Variants in CSMD1 observed in about 807,000 individuals in gnomAD.
CSMD1 encodes CUB and sushi domain-containing protein 1.
In CSMD1, 213 loss-of-function variants were observed where a neutral mutation model predicts 417.5. The observed-to-expected ratio is 0.51, with a 90% CI of 0.46 to 0.57. CSMD1 has a LOEUF of 0.57. Among genes scored for constraint, CSMD1 ranks in the 20% least tolerant of loss-of-function variants. CSMD1 has a pLI of 0.00. For synonymous variants in CSMD1, 2,862 were observed against 1,736.8 expected (o/e 1.65, Z -16.11); for missense variants, 6,923 against 4,529.7 (o/e 1.53, Z -15.17).
chr8:4,449,709 G>A (rs1799018747), intron 2 of CSMD1, among the ~76,000 whole-genome samples: 1 of 152,122 alleles, frequency 6.6e-6, no homozygotes. Flanking sequence ...AGGGAGTATG[G>A]GGAAGAAATG....
chr8:4,511,314 C>T (rs184805931), intron 2 of CSMD1, among the ~76,000 whole-genome samples: 574 of 152,236 alleles, frequency 3.8e-3, no homozygotes, highest in Non-Finnish European at 6.2e-3. Flanking sequence ...CATCAACTGC[C>T]CTCATAGACA....
At chr8:3,979,102 T>C (rs769510646) in intron 5 of CSMD1, among the ~76,000 whole-genome samples, 1 of 152,230 alleles carries the variant, frequency 6.6e-6, no homozygotes, top group Non-Finnish European at 1.5e-5. Flanking sequence ...AGCCAGTGCA[T>C]TTAGAGAGCT....
At position 3,655,591 on chromosome 8, in the gene CSMD1, G is replaced by A. The variant is rs112504196; in HGVS notation, c.1010-38794C>T. Among the ~76,000 whole-genome samples the A allele has an allele frequency of 1.2e-4, 18 of 151,458 alleles. 1 individual carries two copies. Among genetic ancestry groups the A allele is most frequent in the Middle Eastern group, 3.4e-3 (1 of 292 alleles). On this transcript the variant is annotated intron_variant, in intron 7 of 69. Coordinates refer to ENST00000635120, the MANE Select transcript of CSMD1 (RefSeq NM_033225.6). ...AGAGAACCCCCACTGATGAATGCCCGTCCCACCAGGCCCCTCAGGCAGGGC... is the reference window on the plus strand; with the variant it reads ...AGAGAACCCCCACTGATGAATGCCCATCCCACCAGGCCCCTCAGGCAGGGC...
chr8:4,270,048 G>A (rs1333536934), intron 3 of CSMD1, among the ~76,000 whole-genome samples: 2 of 152,124 alleles, frequency 1.3e-5, no homozygotes, highest in Middle Eastern at 3.2e-3. Context: ...TATGATTAAT[G>A]ATGAAATATT....
intron 3 of CSMD1, among the ~76,000 whole-genome samples, chr8:4,207,813 G>C (rs1027464335): frequency 6.6e-6 from 1 of 152,122 alleles, no homozygotes; most frequent in South Asian, 2.1e-4. Flanking sequence ...CAATAATTAT[G>C]TTGAAACAGA....
intron 3 of CSMD1, among the ~76,000 whole-genome samples, chr8:4,163,826 C>T (rs905259195): frequency 1.3e-5 from 2 of 152,122 alleles, no homozygotes; most frequent in African/African-American, 2.4e-5. Context: ...ACCTATACCC[C>T]TTCATCATTA....
At chr8:4,873,168 A>G (rs1453047792) in intron 1 of CSMD1, among the ~76,000 whole-genome samples, 3 of 152,150 alleles carry the variant, frequency 2.0e-5, no homozygotes, top group Admixed American at 6.5e-5. Flanking sequence ...GATTCATTTC[A>G]AAATGATAGG....
chr8:3,699,840 G>T (rs1328814324), intron 7 of CSMD1, among the ~76,000 whole-genome samples: 1 of 151,204 alleles, frequency 6.6e-6, no homozygotes, highest in Admixed American at 6.6e-5. Flanking sequence ...CTTCCCACAC[G>T]ACACACCATC....
Position 3,034,387 on chromosome 8 carries a change from T to C in CSMD1, c.7661-4874A>G, listed in dbSNP as rs1430476544. ...GGCCTGATAGGCACAGACATCATTT[T>C]ACAGTTAGGCTGAAAAACTGAAAGC... On this transcript the variant is annotated intron_variant, in intron 50 of 69. Coordinates refer to ENST00000635120, the MANE Select transcript of CSMD1 (RefSeq NM_033225.6). 3.3e-5 allele frequency among the ~76,000 whole-genome samples: 5 copies of C among 152,214 alleles called. No individual in the cohort carries two copies. The East Asian group carries it at 9.6e-4, about 29-fold the overall frequency.
intron 5 of CSMD1, among the ~76,000 whole-genome samples, chr8:3,782,800 G>A (rs908034903): frequency 6.6e-6 from 1 of 152,148 alleles, no homozygotes; most frequent in South Asian, 2.1e-4. Context: ...GATAACAAAT[G>A]ATTTTATAAG....
chr8:4,273,553 A>G lies in CSMD1; in HGVS notation c.415+146400T>C, dbSNP rs11993934. Among the ~76,000 whole-genome samples, 902 of 152,320 alleles carry G rather than the reference A, an allele frequency of 5.9e-3. 9 individuals are homozygous for G. The highest frequency in any genetic ancestry group is 0.02 in the African/African-American group (824 of 41,580). On this transcript the variant is annotated intron_variant, in intron 3 of 69. Coordinates refer to ENST00000635120, the MANE Select transcript of CSMD1 (RefSeq NM_033225.6). ...TATTAACTTCAATTTTCAGTTAAGC[A>G]ATGAATATATTTTAATATAAATATT... is the stretch of plus-strand genomic sequence containing the variant.
At chr8:4,519,907 T>C (rs997662995) in intron 2 of CSMD1, among the ~76,000 whole-genome samples, 5 of 148,464 alleles carry the variant, frequency 3.4e-5, no homozygotes, top group African/African-American at 1.2e-4. Flanking sequence ...TAATGTATTC[T>C]CTTACATTAT....
In CSMD1 at chr8:3,308,198, C is replaced by T. The variant is rs557574219; in HGVS notation, c.3823+114G>A. 391 of 805,706 alleles carry T rather than the reference C, an allele frequency of 4.9e-4. 10 individuals carry two copies. In the South Asian group the frequency reaches 6.8e-3, roughly 14 times the overall value. 49.9% of individuals were successfully genotyped at this position (805,706 alleles called of 1,614,324 possible). A position where few individuals can be genotyped will look rare whatever the true frequency, so the allele number is the denominator to read the frequency against. On this transcript the variant is annotated intron_variant, in intron 24 of 69. Coordinates refer to ENST00000635120, the MANE Select transcript of CSMD1 (RefSeq NM_033225.6). Reference sequence around the variant, plus strand: ...AATCTCAGAATACATAAAACTCACACTGGAAAGTGTGATAAAATTCCTCCT... The same window carrying T: ...AATCTCAGAATACATAAAACTCACATTGGAAAGTGTGATAAAATTCCTCCT...
At chr8:3,626,534 T>A (rs1409155887) in intron 7 of CSMD1, among the ~76,000 whole-genome samples, 1 of 151,916 alleles carries the variant, frequency 6.6e-6, no homozygotes, top group African/African-American at 2.4e-5. Context: ...TTTAAATATT[T>A]ATGTAAAATA....
chr8:4,946,146 A>T (rs1450326815), intron 1 of CSMD1, among the ~76,000 whole-genome samples: 1 of 152,120 alleles, frequency 6.6e-6, no homozygotes, highest in Admixed American at 6.5e-5. Flanking sequence ...ATAACTTCAA[A>T]AGCAGTTTCA....
At position 3,034,989 on chromosome 8, in the gene CSMD1, T is replaced by G. The variant is rs183430179; in HGVS notation, c.7661-5476A>C. ...CTGAGCTCTCATTTCTGCCCAGGGA[T>G]GGCCCTAACACTCAAAGGCAGTTGC... On this transcript the variant is annotated intron_variant, in intron 50 of 69. Transcript: ENST00000635120. Among the ~76,000 whole-genome samples, 75 of 152,302 alleles carry G rather than the reference T, an allele frequency of 4.9e-4. No individual in the cohort carries two copies. The East Asian group carries it at 0.014, about 28-fold the overall frequency.
chr8:3,611,460 T>C (rs1801890565), intron 8 of CSMD1, among the ~76,000 whole-genome samples: 1 of 152,120 alleles, frequency 6.6e-6, no homozygotes, highest in South Asian at 2.1e-4. Context: ...ATAGACCAAC[T>C]ATCACTGCTA....
chr8:3,961,502 T>C (rs1313389841), intron 5 of CSMD1, among the ~76,000 whole-genome samples: 2 of 152,224 alleles, frequency 1.3e-5, no homozygotes, highest in Non-Finnish European at 2.9e-5. Flanking sequence ...GCGTTCATTA[T>C]TAAGATTTTG....
chr8:3,853,603 A>T (rs1421286266), intron 5 of CSMD1, among the ~76,000 whole-genome samples: 1 of 152,042 alleles, frequency 6.6e-6, no homozygotes, highest in Non-Finnish European at 1.5e-5. Flanking sequence ...GAAGGCACTT[A>T]TGAAAAAAGA....
Sources: gnomAD v4.1 joint callset for allele counts (sites outside exome capture counted in the v4.1 genomes callset) on GRCh38, gnomAD v4.1.1 for gene constraint, MANE v1.5 for transcripts, NCBI Gene and HGNC (gene_info 2026-07-23, HGNC 2026-07-21) for gene names.